The following CCNJL variants were observed in gnomAD, a reference collection of about 807,000 sequenced individuals.
CCNJL encodes cyclin-J-like protein.
In CCNJL, 33 loss-of-function variants were observed where a neutral mutation model predicts 33.4. The ratio of observed to expected loss-of-function variants is 0.99; its 90% confidence interval spans 0.75 to 1.32. The LOEUF (loss-of-function observed/expected upper bound fraction) is 1.32. Among genes scored for constraint, CCNJL ranks in the 40% most tolerant of loss-of-function variants. The pLI, the probability that CCNJL is intolerant of heterozygous loss-of-function variation, is 0.00. For synonymous variants in CCNJL, 227 were observed against 220.9 expected, an observed-to-expected ratio of 1.03 and a Z score of -0.24; for missense variants, 512 against 499.7, an observed-to-expected ratio of 1.02 and a Z score of -0.23.
intron 1 of CCNJL, among the ~76,000 whole-genome samples, chr5:160,333,124 A>ATTTTTTT (rs1013125021): frequency 2.3e-3 from 324 of 143,384 alleles, no homozygotes; most frequent in African/African-American, 8.0e-3. Flanking sequence ...GTCTCTACAA[A>ATTTTTTT]TTTTTTTTTT....
chr5:160,281,322 G>A (rs1295833692), intron 2 of CCNJL: 4 of 163,684 alleles, frequency 2.4e-5, no homozygotes, highest in Admixed American at 5.6e-5. Context: ...TGAAATAATA[G>A]TACAAGGAAC....
At chr5:160,280,496 C>A in intron 3 of CCNJL, 29 bp downstream of exon 3, 1 of 1,559,734 alleles carries the variant, frequency 6.4e-7, no homozygotes, top group Non-Finnish European at 8.8e-7. Flanking sequence ...ACCGCACAAG[C>A]GCGGAGGAAG....
intron 2 of CCNJL, among the ~76,000 whole-genome samples, chr5:160,281,938 G>A (rs1762229237): frequency 6.6e-6 from 1 of 152,166 alleles, no homozygotes; most frequent in Non-Finnish European, 1.5e-5. Flanking sequence ...TTACAGGCCT[G>A]AGCCATCAAG....
chr5:160,269,544 C>T, intron 3 of CCNJL: 1 of 455,488 alleles, frequency 2.2e-6, no homozygotes, highest in Non-Finnish European at 4.4e-6. Context: ...TTTGTTCCGA[C>T]CTATGCGGGG....
intron 2 of CCNJL, among the ~76,000 whole-genome samples, chr5:160,299,749 T>A (rs561587007): frequency 5.7e-4 from 86 of 152,212 alleles, no homozygotes; most frequent in South Asian, 6.2e-4. Context: ...TCCACATTTG[T>A]GTTATCTTTT....
At chr5:160,331,426 G>T (rs1414577451) in intron 1 of CCNJL, among the ~76,000 whole-genome samples, 1 of 151,704 alleles carries the variant, frequency 6.6e-6, no homozygotes, top group Non-Finnish European at 1.5e-5. Context: ...GGGTTTCACT[G>T]TGTTAGCCAG....
chr5:160,253,391 C>T lies in CCNJL; in HGVS notation c.1151G>A (p.Cys384Tyr). 6.3e-7 allele frequency: 1 copy of T among 1,579,846 alleles called. No homozygotes were observed. The highest frequency in any genetic ancestry group is 8.6e-7 in the Non-Finnish European group (1 of 1,159,972). The part of the protein sequence containing the change: ...FSGSHMFPTG[C>Y]FDR ...TCTGGAGGTGGCCTATCTGTCAAAGCAGCCGGTGGGGAACATGTGGCTCCC... is the reference window on the plus strand; with the variant it reads ...TCTGGAGGTGGCCTATCTGTCAAAGTAGCCGGTGGGGAACATGTGGCTCCC... The change falls in exon 6 of 6, where the codon TGC becomes TAC. Residue 384 changes from cysteine (C) to tyrosine (Y), a missense_variant. Physicochemically the swap from Cys to Tyr is radical, Grantham distance 194. Transcript: ENST00000257536.
At chr5:160,312,105 G>A in intron 1 of CCNJL, 133 bp from the exon 2 acceptor site, 1 of 613,700 alleles carries the variant, frequency 1.6e-6, no homozygotes, top group South Asian at 2.0e-5. Flanking sequence ...GGAGCTGGAG[G>A]TCGCCTCTGG....
intron 4 of CCNJL, among the ~76,000 whole-genome samples, chr5:160,256,386 T>C (rs1423326054): frequency 6.6e-6 from 1 of 152,244 alleles, no homozygotes; most frequent in Non-Finnish European, 1.5e-5. Flanking sequence ...TACTTATTAA[T>C]TGTAACAATG....
intron 2 of CCNJL, among the ~76,000 whole-genome samples, chr5:160,307,856 C>G (rs1763140923): frequency 6.6e-6 from 1 of 152,134 alleles, no homozygotes; most frequent in African/African-American, 2.4e-5. Flanking sequence ...AGGTGGCCTA[C>G]AGGAAGGGGA....
chr5:160,295,631 G>A lies in CCNJL; in HGVS notation c.67-14893C>T, dbSNP rs988242790. Among the ~76,000 whole-genome samples, 13 of 152,268 alleles carry A rather than the reference G, an allele frequency of 8.5e-5. No homozygotes were observed. The South Asian group carries it at 1.5e-3, about 17-fold the overall frequency. ...AGAGACAGAGACACAGAGGGAAGAC[G>A]AGGTGAGGACAGACAAGGAGGAGAA... is the stretch of plus-strand genomic sequence containing the variant. On this transcript the variant is annotated intron_variant, in intron 2 of 5. Coordinates refer to ENST00000257536, the MANE Select transcript of CCNJL (RefSeq NM_001308173.3).
At chr5:160,311,050 C>T (rs760712542) in intron 2 of CCNJL, among the ~76,000 whole-genome samples, 78 of 152,316 alleles carry the variant, frequency 5.1e-4, no homozygotes, top group Non-Finnish European at 9.1e-4. Context: ...CCCCAAGCCA[C>T]CCCTTGCCAA....
At chr5:160,321,221 A>G (rs1349962739) in intron 1 of CCNJL, among the ~76,000 whole-genome samples, 1 of 151,832 alleles carries the variant, frequency 6.6e-6, no homozygotes, top group Non-Finnish European at 1.5e-5. Context: ...GCAGGGAACA[A>G]TGGGATAAGA....
chr5:160,320,853 CTT>C (rs1271346948), intron 1 of CCNJL, among the ~76,000 whole-genome samples: 3 of 127,878 alleles, frequency 2.3e-5, no homozygotes, highest in African/African-American at 9.5e-5. Context: ...TTCTTTCCTT[CTT>C]TCTTTCTTTC....
At chr5:160,282,981 A>ATG (rs1168434916) in intron 2 of CCNJL, among the ~76,000 whole-genome samples, 6 of 55,342 alleles carry the variant, frequency 1.1e-4, no homozygotes, top group African/African-American at 4.9e-4. Flanking sequence ...ATATATATAT[A>ATG]TATATATATA....
chr5:160,269,054 A>G (rs1761721817), intron 3 of CCNJL, among the ~76,000 whole-genome samples: 1 of 152,234 alleles, frequency 6.6e-6, no homozygotes, highest in South Asian at 2.1e-4. Flanking sequence ...GCCCAGTTTT[A>G]AAAAGAGACC....
intron 2 of CCNJL, among the ~76,000 whole-genome samples, chr5:160,308,938 G>A (rs567373452): frequency 6.6e-6 from 1 of 152,356 alleles, no homozygotes; most frequent in East Asian, 1.9e-4. Flanking sequence ...AAGAGCCAGT[G>A]CAAAGACCCT....
At chr5:160,259,895 C>CAGAAAGCAGACA in intron 3 of CCNJL, 124 bp from the exon 4 acceptor site, 1 of 770,428 alleles carries the variant, frequency 1.3e-6, no homozygotes, top group Non-Finnish European at 2.1e-6. Flanking sequence ...ACAGGCCAGA[C>CAGAAAGCAGACA]TGCGGAGGAA....
chr5:160,259,539 G>T lies in CCNJL; in HGVS notation c.513C>A (p.Thr171=). The T allele has an allele frequency of 6.2e-7, 1 of 1,614,174 alleles. No individual in the cohort carries two copies. Among genetic ancestry groups the T allele is most frequent in the South Asian group, 1.1e-5 (1 of 91,088 alleles). The change falls in exon 4 of 6, where the codon ACC becomes ACA. Residue 171 remains threonine, a synonymous_variant. Coordinates refer to ENST00000257536, the MANE Select transcript of CCNJL (RefSeq NM_001308173.3). ...ACTCTTTGGTCTTGCGGGGGCAGGT[G>T]GTGGGCCAGGTGTGGCAGTGGTGGT... ...QKDHHCHTWP[T]TCPRKTKECL...
Sources: allele counts gnomAD v4.1 joint callset (sites outside exome capture counted in the v4.1 genomes callset), GRCh38; gene constraint gnomAD v4.1.1; transcripts MANE v1.5; gene names NCBI Gene and HGNC (gene_info 2026-07-23, HGNC 2026-07-21).